Variants in KDM5A observed in about 807,000 individuals in gnomAD.
KDM5A encodes lysine-specific demethylase 5A.
A neutral mutation model predicts 193.5 loss-of-function variants in KDM5A; 42 were observed. The ratio of observed to expected loss-of-function variants is 0.22; its 90% CI spans 0.17 to 0.28. The LOEUF (loss-of-function observed/expected upper bound fraction) is 0.28, where lower values mean the gene tolerates loss of function less well. KDM5A is among the 10% of genes least tolerant of loss of function. KDM5A has a pLI of 1.00. For missense variants in KDM5A, 1,692 were observed against 2,055.1 expected (o/e 0.82, Z 3.42); for synonymous variants, 796 against 718.1 (o/e 1.11, Z -1.73).
intron 3 of KDM5A, among the ~76,000 whole-genome samples, chr12:378,731 G>C (rs1944538802): frequency 6.6e-6 from 1 of 152,192 alleles, no homozygotes; most frequent in Non-Finnish European, 1.5e-5. Flanking sequence ...GGCCAAGGCG[G>C]GCGGATCACG....
intron 25 of KDM5A, among the ~76,000 whole-genome samples, chr12:296,615 A>G (rs1427491369): frequency 6.6e-6 from 1 of 152,232 alleles, no homozygotes; most frequent in Non-Finnish European, 1.5e-5. Context: ...TGAGGGACAG[A>G]AAAATTAACA....
chr12:362,877 G>A, intron 5 of KDM5A, 86 bp downstream of exon 5: 4 of 1,268,232 alleles, frequency 3.2e-6, no homozygotes, highest in Non-Finnish European at 4.6e-6. Flanking sequence ...AGGATCACTT[G>A]AGCCAAGGAG....
intron 24 of KDM5A, among the ~76,000 whole-genome samples, chr12:297,681 C>CT (rs1943390366): frequency 1.3e-5 from 2 of 152,276 alleles, no homozygotes; most frequent in Middle Eastern, 3.4e-3. Context: ...AGATTAGATA[C>CT]AGTTTGAATG....
intron 20 of KDM5A, 66 bp downstream of exon 20, chr12:312,990 G>C (rs1209431760): frequency 1.4e-6 from 2 of 1,469,530 alleles, no homozygotes; most frequent in African/African-American, 2.8e-5. Context: ...AGAATTAATA[G>C]TTTAAAAGAT....
chr12:296,618 A>T (rs1389148540), intron 25 of KDM5A, among the ~76,000 whole-genome samples: 1 of 152,212 alleles, frequency 6.6e-6, no homozygotes, highest in Non-Finnish European at 1.5e-5. Context: ...GGGACAGAAA[A>T]ATTAACATCA....
intron 14 of KDM5A, among the ~76,000 whole-genome samples, chr12:326,406 C>T (rs550686441): frequency 1.3e-5 from 2 of 152,292 alleles, no homozygotes; most frequent in East Asian, 1.9e-4. Context: ...AGGCTGAACC[C>T]TGCACCCATT....
chr12:368,826 G>A (rs747340937), intron 3 of KDM5A, among the ~76,000 whole-genome samples: 5 of 152,130 alleles, frequency 3.3e-5, no homozygotes, highest in Admixed American at 6.5e-5. Context: ...TAGTAACAAC[G>A]GTGCCTACAC....
At position 284,123 on chromosome 12, in the gene KDM5A, A is replaced by G. The variant is rs1055216698; in HGVS notation, c.*1333T>C. ...CTAACTCCTTGTACTACAAAGAAGG[A>G]ATGGGATTTTTTTTTTTAAAGCAAA... On this transcript the variant is annotated 3_prime_UTR_variant, in exon 28 of 28. Coordinates refer to ENST00000399788, the MANE Select transcript of KDM5A (RefSeq NM_001042603.3). 3 of 231,836 alleles carry G rather than the reference A, an allele frequency of 1.3e-5. No individual in the cohort carries two copies. Among genetic ancestry groups the G allele is most frequent in the Non-Finnish European group, 1.7e-5 (2 of 117,172 alleles). 14.4% of individuals were successfully genotyped at this position (231,836 alleles called of 1,614,324 possible). A position where few individuals can be genotyped will look rare whatever the true frequency, so the allele number is the denominator to read the frequency against.
At chr12:317,127 G>A (rs894650318) in intron 19 of KDM5A, among the ~76,000 whole-genome samples, 16 of 152,146 alleles carry the variant, frequency 1.1e-4, no homozygotes, top group Admixed American at 1.0e-3. Context: ...TAAGTCCAAT[G>A]GGGTGCTGAT....
chr12:346,588 C>T (rs1244632733), intron 10 of KDM5A, among the ~76,000 whole-genome samples: 1 of 152,104 alleles, frequency 6.6e-6, no homozygotes, highest in Non-Finnish European at 1.5e-5. Context: ...TGGCTTCATC[C>T]CCGGGATGCA....
intron 27 of KDM5A, chr12:286,274 A>G (rs1264078252): frequency 4.4e-6 from 2 of 459,472 alleles, no homozygotes; most frequent in African/African-American, 4.1e-5. Context: ...AGTCAAAGAC[A>G]CAGGTCAATA....
chr12:339,378 T>C (rs1220102709), intron 10 of KDM5A, among the ~76,000 whole-genome samples: 2 of 152,178 alleles, frequency 1.3e-5, no homozygotes, highest in African/African-American at 4.8e-5. Flanking sequence ...CTTTGTCTAA[T>C]TAGTCCCTAA....
rs757636986 is a variant in KDM5A, at chr12:321,013, G to A, written c.2523C>T (p.Ser841=). The A allele has an allele frequency of 9.9e-6, 16 of 1,613,172 alleles. No individual in the cohort carries two copies. Among genetic ancestry groups the A allele is most frequent in the Admixed American group, 6.7e-5 (4 of 59,996 alleles). Residue 841 remains serine (S), a synonymous_variant, in exon 18 of 28, where the codon AGC becomes AGT. Coordinates refer to ENST00000399788, the MANE Select transcript of KDM5A (RefSeq NM_001042603.3). ...ACTCCACCTTTACTTGCCGAGCTTGGCTGATGACACACGGAAGACTAAAAA... is the reference window on the plus strand; with the variant it reads ...ACTCCACCTTTACTTGCCGAGCTTGACTGATGACACACGGAAGACTAAAAA... ...QQLFSLPCVI[S]QARQVKNLLD... is the part of the protein sequence containing the mutation.
chr12:372,497 A>AT (rs1944441789), intron 3 of KDM5A, among the ~76,000 whole-genome samples: 4 of 152,180 alleles, frequency 2.6e-5, no homozygotes, highest in Admixed American at 1.3e-4. Flanking sequence ...TTGGGCTGAG[A>AT]TGATGGGGTT....
chr12:286,838 A>G (rs1943224773), intron 27 of KDM5A, among the ~76,000 whole-genome samples: 1 of 152,166 alleles, frequency 6.6e-6, no homozygotes, highest in African/African-American at 2.4e-5. Flanking sequence ...TCAAAATGAT[A>G]TTCTACTTGT....
At chr12:357,324 A>T (rs1464753927) in intron 5 of KDM5A, among the ~76,000 whole-genome samples, 4 of 106,046 alleles carry the variant, frequency 3.8e-5, no homozygotes, top group African/African-American at 1.6e-4. Flanking sequence ...CAACATAGTG[A>T]CCCCCGTTTC....
chr12:368,441 T>A (rs767357135), intron 3 of KDM5A, among the ~76,000 whole-genome samples: 1 of 152,162 alleles, frequency 6.6e-6, no homozygotes, highest in Non-Finnish European at 1.5e-5. Flanking sequence ...TTACTAGTTA[T>A]ATGACCTTGG....
At chr12:352,158 T>G (rs2137451310) in intron 9 of KDM5A, 47 bp downstream of exon 9, 1 of 1,143,028 alleles carries the variant, frequency 8.7e-7, no homozygotes, top group South Asian at 1.2e-5. Flanking sequence ...TGTACTCAGG[T>G]AAATCTTTGT....
chr12:295,972 T>A (rs1386239338), intron 25 of KDM5A, among the ~76,000 whole-genome samples, 179 bp from the exon 26 acceptor site: 3 of 152,014 alleles, frequency 2.0e-5, no homozygotes, highest in Non-Finnish European at 4.4e-5. Context: ...ACCAAAAAGA[T>A]GAACAATTCC....
Sources: gnomAD v4.1 joint callset for allele counts (sites outside exome capture counted in the v4.1 genomes callset) on GRCh38, gnomAD v4.1.1 for gene constraint, MANE v1.5 for transcripts, NCBI Gene and HGNC (gene_info 2026-07-23, HGNC 2026-07-21) for gene names.